The following MAPKAP1 variants were observed in gnomAD, a reference collection of about 807,000 sequenced individuals.
The protein encoded by MAPKAP1 is MAPK associated protein 1.
A neutral mutation model predicts 65.7 loss-of-function variants in MAPKAP1; 20 were observed. The observed-to-expected ratio is 0.30, with a 90% confidence interval of 0.21 to 0.44. MAPKAP1 has a LOEUF of 0.44. MAPKAP1 is among the 20% of genes least tolerant of loss of function. The probability of loss-of-function intolerance (pLI) is 1.00; values close to 1 mark genes in which losing one functional copy is unlikely to be tolerated. For synonymous variants in MAPKAP1, 222 were observed against 244.3 expected (o/e 0.91, Z 0.85); for missense variants, 423 against 648.0 (o/e 0.65, Z 3.77).
At chr9:125,444,674 T>C in intron 10 of MAPKAP1, 76 bp from the exon 11 acceptor site, 1 of 980,548 alleles carries the variant, frequency 1.0e-6, no homozygotes, top group Non-Finnish European at 1.6e-6. Context: ...TTCTCCCCTA[T>C]CATTCCAATT....
At chr9:125,493,995 G>A (rs1262561725) in intron 8 of MAPKAP1, among the ~76,000 whole-genome samples, 1 of 152,124 alleles carries the variant, frequency 6.6e-6, no homozygotes, top group Non-Finnish European at 1.5e-5. Flanking sequence ...AACTCCATGG[G>A]CTGTAATGGT....
chr9:125,685,941 C>T lies in MAPKAP1; in HGVS notation c.-69-13298G>A, dbSNP rs536921308. ...TATTTTCCTTCTATCAGCTCCTCAG[C>T]GTTTGAAGTTTGCTCAAACAAGTGG... On this transcript the variant is annotated intron_variant, in intron 1 of 11. Transcript: ENST00000265960. Among the ~76,000 whole-genome samples the T allele has an allele frequency of 2.0e-5, 3 of 152,334 alleles. No homozygotes were observed. The East Asian group carries it at 5.8e-4, about 29-fold the overall frequency.
intron 8 of MAPKAP1, among the ~76,000 whole-genome samples, chr9:125,493,471 C>A (rs1260293634): frequency 6.6e-6 from 1 of 152,208 alleles, no homozygotes; most frequent in African/African-American, 2.4e-5. Context: ...CAGGAACATC[C>A]CATTCTACAA....
intron 5 of MAPKAP1, among the ~76,000 whole-genome samples, chr9:125,583,932 A>G (rs1831700421): frequency 6.6e-6 from 1 of 152,084 alleles, no homozygotes; most frequent in African/African-American, 2.4e-5. Context: ...GCGTGGTGGT[A>G]GGTGCCTGTA....
At chr9:125,481,445 CAG>C (rs2133029247) in intron 9 of MAPKAP1, among the ~76,000 whole-genome samples, 1 of 152,236 alleles carries the variant, frequency 6.6e-6, no homozygotes, top group East Asian at 1.9e-4. Context: ...TCCTTTGAGA[CAG>C]AGTCTAACAC....
intron 1 of MAPKAP1, among the ~76,000 whole-genome samples, chr9:125,674,476 G>A (rs900915714): frequency 2.0e-5 from 3 of 152,182 alleles, no homozygotes; most frequent in Admixed American, 1.3e-4. Flanking sequence ...AAGCTGGATT[G>A]ACTATGTTTC....
intron 3 of MAPKAP1, among the ~76,000 whole-genome samples, chr9:125,664,724 C>CAAACAAA (rs1554839569): frequency 4.0e-4 from 24 of 59,928 alleles, no homozygotes; most frequent in African/African-American, 6.4e-4. Context: ...GACTCACTCT[C>CAAACAAA]AAAAAAAAAA....
chr9:125,504,553 A>C (rs567927150), intron 8 of MAPKAP1, among the ~76,000 whole-genome samples: 2 of 152,286 alleles, frequency 1.3e-5, no homozygotes. Context: ...AGATGGATGG[A>C]TCACTTGAGG....
At chr9:125,606,503 A>G (rs1437247293) in intron 4 of MAPKAP1, among the ~76,000 whole-genome samples, 2 of 152,154 alleles carry the variant, frequency 1.3e-5, no homozygotes, top group Non-Finnish European at 2.9e-5. Context: ...TTCCTCCCCT[A>G]TAAAGGATTT....
chr9:125,666,978 C>T (rs147120506), intron 3 of MAPKAP1, among the ~76,000 whole-genome samples: 174 of 152,290 alleles, frequency 1.1e-3, no homozygotes, highest in African/African-American at 4.0e-3. Flanking sequence ...CAAGCATGAA[C>T]ATACACATTG....
Position 125,515,084 on chromosome 9 carries a change from T to C in MAPKAP1, c.959-8667A>G, listed in dbSNP as rs971876264. Among the ~76,000 whole-genome samples, 7 of 152,158 alleles carry C rather than the reference T, an allele frequency of 4.6e-5. No individual in the cohort carries two copies. In the South Asian group the frequency reaches 6.2e-4, roughly 14 times the overall value. ...CCCTCTGAGGCTCAGATTGGATAGT[T>C]TGGAATTTAAATAATAAAAAAGGAA... On this transcript the variant is annotated intron_variant, in intron 7 of 11. Coordinates refer to ENST00000265960, the MANE Select transcript of MAPKAP1 (RefSeq NM_001006617.3).
At chr9:125,448,051 G>A (rs555182116) in intron 10 of MAPKAP1, among the ~76,000 whole-genome samples, 1 of 152,148 alleles carries the variant, frequency 6.6e-6, no homozygotes, top group Non-Finnish European at 1.5e-5. Context: ...GTTTAAGCAG[G>A]GCAAGTGAAA....
In MAPKAP1 at chr9:125,542,070, C is replaced by CA. The variant is rs571537277; in HGVS notation, c.958+988_958+989insT. ...CCTACCAGCATCTCTCTCTCTCTCT[C>CA]TTTTTTATGAGAATCAGATTTTCAT... On this transcript the variant is annotated intron_variant, in intron 7 of 11. Coordinates refer to ENST00000265960, the MANE Select transcript of MAPKAP1 (RefSeq NM_001006617.3). 6.1e-3 allele frequency among the ~76,000 whole-genome samples: 933 copies of CA among 152,242 alleles called. 5 individuals carry two copies. The highest frequency in any genetic ancestry group is 8.3e-3 in the Non-Finnish European group (567 of 68,000).
chr9:125,705,717 G>A (rs1835736691), intron 1 of MAPKAP1, among the ~76,000 whole-genome samples: 2 of 152,128 alleles, frequency 1.3e-5, no homozygotes, highest in Admixed American at 1.3e-4. Flanking sequence ...TTCCAGGTGG[G>A]GTTGTCCTGA....
intron 7 of MAPKAP1, among the ~76,000 whole-genome samples, chr9:125,542,546 GAGTTA>G (rs1394401036): frequency 2.0e-5 from 3 of 151,938 alleles, no homozygotes; most frequent in Admixed American, 6.5e-5. Context: ...GGGTAATGAG[GAGTTA>G]AGTTATTAGT....
At position 125,625,263 on chromosome 9, in the gene MAPKAP1, A is replaced by ATT. The variant is rs1564589615; in HGVS notation, c.498+32387_498+32388insAA. 1.3e-4 allele frequency among the ~76,000 whole-genome samples: 18 copies of ATT among 135,154 alleles called. No homozygotes were observed. In the East Asian group the frequency reaches 3.7e-3, roughly 28 times the overall value. The allele number at this position is 135,154 out of a possible 152,430, so 88.7% of individuals were successfully genotyped here. ...AAAAAAAAATAAATAAATAAAAAAA[A>ATT]AAAAAAAAAAAAAAAAACAAGGGAG... On this transcript the variant is annotated intron_variant, in intron 4 of 11. Transcript: ENST00000265960.
intron 3 of MAPKAP1, among the ~76,000 whole-genome samples, chr9:125,668,884 C>A (rs1292052554): frequency 6.6e-6 from 1 of 152,200 alleles, no homozygotes; most frequent in Non-Finnish European, 1.5e-5. Flanking sequence ...CCTGGAAACT[C>A]ATCCAAAATA....
intron 4 of MAPKAP1, among the ~76,000 whole-genome samples, chr9:125,608,604 T>C (rs1436895682): frequency 3.3e-5 from 5 of 152,198 alleles, no homozygotes; most frequent in African/African-American, 1.2e-4. Flanking sequence ...TTCAGACCAT[T>C]ATTCCTGCTC....
At chr9:125,479,524 G>A (rs961448884) in intron 9 of MAPKAP1, among the ~76,000 whole-genome samples, 7 of 151,302 alleles carry the variant, frequency 4.6e-5, no homozygotes, top group African/African-American at 1.7e-4. Flanking sequence ...AGGTTGCAGT[G>A]AGCCGAGACT....
Sources: gnomAD v4.1 joint callset for allele counts (sites outside exome capture counted in the v4.1 genomes callset) on GRCh38, gnomAD v4.1.1 for gene constraint, MANE v1.5 for transcripts, NCBI Gene and HGNC (gene_info 2026-07-23, HGNC 2026-07-21) for gene names.